The following TINAGL1 variants were observed in gnomAD, a reference collection of about 807,000 sequenced individuals.
TINAGL1 encodes tubulointerstitial nephritis antigen like 1, also known as tubulointerstitial nephritis antigen-like.
Under a neutral mutation model 62.0 loss-of-function variants are expected in TINAGL1, and 34 were observed. The observed-to-expected ratio is 0.55, with a 90% confidence interval of 0.42 to 0.73. The LOEUF is 0.73. Among genes scored for constraint, TINAGL1 ranks in the 30% least tolerant of loss-of-function variants. The probability of loss-of-function intolerance (pLI) is 0.00; values close to 1 mark genes in which losing one functional copy is unlikely to be tolerated. For synonymous variants in TINAGL1, 221 were observed against 249.7 expected (o/e 0.88, Z 1.08); for missense variants, 516 against 653.2 (o/e 0.79, Z 2.29).
intron 3 of TINAGL1, chr1:31,580,833 A>G: frequency 8.5e-7 from 1 of 1,170,164 alleles, no homozygotes; most frequent in Non-Finnish European, 1.1e-6. Context: ...TGCTGAGCTC[A>G]GGAGATGGAG....
chr1:31,585,138 G>T lies in TINAGL1; in HGVS notation c.858-13G>T, dbSNP rs748498434. The T allele has an allele frequency of 6.4e-7, 1 of 1,568,598 alleles. No homozygotes were observed. Among genetic ancestry groups the T allele is most frequent in the Non-Finnish European group, 8.7e-7 (1 of 1,154,292 alleles). Reference sequence around the variant, plus strand: ...AGTCTTTCTGCCTTTGCTCCCTCTTGCTGCCTTTGCAGGGTGGTGTCTGAC... The same window carrying T: ...AGTCTTTCTGCCTTTGCTCCCTCTTTCTGCCTTTGCAGGGTGGTGTCTGAC... On this transcript the variant is annotated splice_polypyrimidine_tract_variant and intron_variant, in intron 7 of 11. Coordinates refer to ENST00000271064, the MANE Select transcript of TINAGL1 (RefSeq NM_022164.3). The surrounding 1 kb of genome is among the most constrained non-coding windows in gnomAD (Gnocchi z 4.3).
intron 3 of TINAGL1, chr1:31,580,526 CAG>C: frequency 7.8e-7 from 1 of 1,289,152 alleles, no homozygotes; most frequent in African/African-American, 1.5e-5. Flanking sequence ...GCCTGGTGTG[CAG>C]AGAGGGAAAG....
rs927626777 is a variant in TINAGL1, at chr1:31,583,612, C to T, written c.582+37C>T. 19 of 1,549,424 alleles carry T rather than the reference C, an allele frequency of 1.2e-5. No individual in the cohort carries two copies. The Admixed American group carries it at 2.9e-4, about 24-fold the overall frequency. Reference sequence around the variant, plus strand: ...CTTCCCCACAATGCTGCCATCTCCCCATGGCTCAGAACCTCAGGGATGCTG... The same window carrying T: ...CTTCCCCACAATGCTGCCATCTCCCTATGGCTCAGAACCTCAGGGATGCTG... On this transcript the variant is annotated intron_variant, in intron 5 of 11. Coordinates refer to ENST00000271064, the MANE Select transcript of TINAGL1 (RefSeq NM_022164.3). This position sits in a 1 kb window ranked among gnomAD's most constrained non-coding sequence, Gnocchi z 4.4.
rs1023978768 is a variant in TINAGL1 at position 31,586,896 on chromosome 1, C to G, written c.1321C>G (p.Arg441Gly). The change falls in exon 12 of 12, where the codon CGC (arginine) becomes GGC (glycine). Residue 441 changes from arginine to glycine, a missense_variant. Transcript: ENST00000271064. ...CGAGAGGGGCCACTTCCGCATCGTG[C>G]GCGGCGTCAATGAGTGCGACATCGA... is the stretch of plus-strand genomic sequence containing the variant. Reference protein sequence around the residue: ...WGERGHFRIVRGVNECDIESF... With the variant: ...WGERGHFRIVGGVNECDIESF... 6.5e-7 allele frequency: 1 copy of G among 1,548,342 alleles called. No homozygotes were observed. The highest frequency in any genetic ancestry group is 2.0e-5 in the Admixed American group (1 of 49,214).
At position 31,585,186 on chromosome 1, in the gene TINAGL1, G is replaced by A. The variant is rs1013678511; in HGVS notation, c.893G>A (p.Arg298His). 9.4e-6 allele frequency: 15 copies of A among 1,598,020 alleles called. No individual in the cohort carries two copies. The highest frequency in any genetic ancestry group is 3.5e-5 in the Admixed American group (2 of 57,906). The part of the protein sequence containing the change: ...VSDHCYPFSG[R>H]ERDEAGPAPP... Reference sequence around the variant, plus strand: ...GACCACTGCTACCCCTTCTCGGGCCGTGAACGAGACGAGGCTGGCCCTGCG... The same window carrying A: ...GACCACTGCTACCCCTTCTCGGGCCATGAACGAGACGAGGCTGGCCCTGCG... Residue 298 changes from arginine to histidine, a missense_variant, in exon 8 of 12, where the codon CGT becomes CAT. Transcript: ENST00000271064. The surrounding 1 kb of genome is among the most constrained non-coding windows in gnomAD (Gnocchi z 4.3).
chr1:31,585,287 G>A lies in TINAGL1; in HGVS notation c.994G>A (p.Val332Ile), dbSNP rs1452350368. 6.2e-7 allele frequency: 1 copy of A among 1,612,590 alleles called. No homozygotes were observed. Among genetic ancestry groups the A allele is most frequent in the Non-Finnish European group, 8.5e-7 (1 of 1,179,184 alleles). Residue 332 changes from valine to isoleucine, a missense_variant, in exon 8 of 12, where the codon GTT becomes ATT. By Grantham distance (29) the Val-to-Ile change is conservative. Transcript: ENST00000271064. This position sits in a 1 kb window ranked among gnomAD's most constrained non-coding sequence, Gnocchi z 4.3. ...QATAHCPNSY[V>I]NNNDIYQVTP... ...CACTGCCCACTGCCCCAACAGCTAT[G>A]TTAATAACAATGACATCTACCAGGT...
At chr1:31,579,174 T>C in intron 2 of TINAGL1, 30 bp from the exon 3 acceptor site, 1 of 1,602,776 alleles carries the variant, frequency 6.2e-7, no homozygotes, top group Non-Finnish European at 8.5e-7. Context: ...CTGGTTCTGG[T>C]TCCACTTCTC....
rs200310989 is a variant in TINAGL1 at position 31,585,886 on chromosome 1, G to C, written c.1217+10G>C. 143 of 1,572,534 alleles carry C rather than the reference G, an allele frequency of 9.1e-5. No individual in the cohort carries two copies. Among genetic ancestry groups the C allele is most frequent in the Non-Finnish European group, 1.2e-4 (134 of 1,158,288 alleles). ...CAGTCAAGATCACAGGGTGAGGGGC[G>C]TGTGGGCAGAGGGGGTTTGGGACAG... On this transcript the variant is annotated intron_variant, in intron 10 of 11. Coordinates refer to ENST00000271064, the MANE Select transcript of TINAGL1 (RefSeq NM_022164.3). This position sits in a 1 kb window ranked among gnomAD's most constrained non-coding sequence, Gnocchi z 4.3.
rs1638969001 is a variant in TINAGL1 at position 31,576,771 on chromosome 1, A to G, written c.-16+176A>G. 6.6e-6 allele frequency among the ~76,000 whole-genome samples: 1 copy of G among 152,140 alleles called. No individual in the cohort carries two copies. The highest frequency in any genetic ancestry group is 2.4e-5 in the African/African-American group (1 of 41,424). On this transcript the variant is annotated intron_variant, in intron 1 of 11. Coordinates refer to ENST00000271064, the MANE Select transcript of TINAGL1 (RefSeq NM_022164.3). This position sits in a 1 kb window ranked among gnomAD's most constrained non-coding sequence, Gnocchi z 5.1. ...AGACCGGGGGAGACAGGAAAGCACA[A>G]AGTCAAGGACCCAGGTCAGGGATGG... is the stretch of plus-strand genomic sequence containing the variant.
rs376906966 is a variant in TINAGL1, at chr1:31,585,437, C to T, written c.1048-3C>T. On this transcript the variant is annotated splice_region_variant and splice_polypyrimidine_tract_variant and intron_variant, in intron 8 of 11. Coordinates refer to ENST00000271064, the MANE Select transcript of TINAGL1 (RefSeq NM_022164.3). The surrounding 1 kb of genome is among the most constrained non-coding windows in gnomAD (Gnocchi z 4.3). ...TGCTCTCTGTCCATCCCCTGCCCTC[C>T]AGGACAAGGAGATCATGAAGGAGCT... 1.1e-4 allele frequency: 185 copies of T among 1,614,024 alleles called. 3 individuals are homozygous for T. The African/African-American group carries it at 2.1e-3, about 19-fold the overall frequency.
At chr1:31,586,526 G>T (rs1639394870) in intron 10 of TINAGL1, 184 bp from the exon 11 acceptor site, 1 of 681,422 alleles carries the variant, frequency 1.5e-6, no homozygotes, top group African/African-American at 1.8e-5. Context: ...CTGGGCCTGG[G>T]TGCACCGACT....
rs796119034 is a variant in TINAGL1, at chr1:31,580,197, C to G, written c.374+930C>G. On this transcript the variant is annotated intron_variant, in intron 3 of 11. Transcript: ENST00000271064. ...TCTCTCTCTCTCTCTCTCTCTCTCTCTCTCTCTCTCTCTCTGTCTCTCTCT... is the reference window on the plus strand; with the variant it reads ...TCTCTCTCTCTCTCTCTCTCTCTCTGTCTCTCTCTCTCTCTGTCTCTCTCT... The G allele has an allele frequency of 7.8e-4, 340 of 437,150 alleles. 2 individuals are homozygous for G. The highest frequency in any genetic ancestry group is 2.9e-3 in the East Asian group (14 of 4,872). The allele number at this position is 437,150 out of a possible 1,614,324, so 27.1% of individuals were successfully genotyped here. A position where few individuals can be genotyped will look rare whatever the true frequency, so the allele number is the denominator to read the frequency against.
intron 3 of TINAGL1, chr1:31,580,645 C>G: frequency 1.6e-6 from 2 of 1,289,164 alleles, no homozygotes; most frequent in South Asian, 1.2e-5. Context: ...GGTCTTGGCT[C>G]CCCTTGAGGC....
rs201734532 is a variant in TINAGL1, at chr1:31,580,189, C to CTGTCTCTCTCTGTCTCTCTCTG, written c.374+923_374+924insGTCTCTCTCTGTCTCTCTCTGT. The CTGTCTCTCTCTGTCTCTCTCTG allele has an allele frequency of 1.4e-5, 6 of 430,424 alleles. No homozygotes were observed. In the African/African-American group the frequency reaches 1.6e-4, roughly 11 times the overall value. The allele number at this position is 430,424 out of a possible 1,614,324, so 26.7% of individuals were successfully genotyped here. A position where few individuals can be genotyped will look rare whatever the true frequency, so the allele number is the denominator to read the frequency against. On this transcript the variant is annotated intron_variant, in intron 3 of 11. Transcript: ENST00000271064. ...TCTCTCTCTCTCTCTCTCTCTCTCT[C>CTGTCTCTCTCTGTCTCTCTCTG]TCTCTCTCTCTCTCTCTCTCTCTGT...
chr1:31,578,552 GGTGTGTGT>G (rs375119727), intron 2 of TINAGL1, among the ~76,000 whole-genome samples: 2 of 132,512 alleles, frequency 1.5e-5, no homozygotes, highest in Non-Finnish European at 3.2e-5. Flanking sequence ...AGTGAGAGCT[GGTGTGTGT>G]GTGTGTGTGT....
Position 31,585,427 on chromosome 1 carries a change from C to T in TINAGL1, c.1048-13C>T, listed in dbSNP as rs1184064849. The T allele has an allele frequency of 1.9e-6, 3 of 1,613,888 alleles. No individual in the cohort carries two copies. The African/African-American group carries it at 4.0e-5, about 22-fold the overall frequency. On this transcript the variant is annotated splice_polypyrimidine_tract_variant and intron_variant, in intron 8 of 11. Coordinates refer to ENST00000271064, the MANE Select transcript of TINAGL1 (RefSeq NM_022164.3). The surrounding 1 kb of genome is among the most constrained non-coding windows in gnomAD (Gnocchi z 4.3). The stretch of plus-strand genomic sequence containing the variant: ...CCCTGACGTATGCTCTCTGTCCATC[C>T]CCTGCCCTCCAGGACAAGGAGATCA...
intron 3 of TINAGL1, among the ~76,000 whole-genome samples, chr1:31,582,917 C>T (rs564960595): frequency 1.4e-4 from 21 of 151,982 alleles, no homozygotes; most frequent in African/African-American, 4.4e-4. Context: ...GTTGAGTAGC[C>T]GTGAGATCCT....
rs149273432 is a variant in TINAGL1, at chr1:31,584,750, G to A, written c.655G>A (p.Glu219Lys). Residue 219 changes from glutamate to lysine, a missense_variant, in exon 6 of 12, where the codon GAG (glutamate) becomes AAG (lysine). Coordinates refer to ENST00000271064, the MANE Select transcript of TINAGL1 (RefSeq NM_022164.3). The surrounding 1 kb of genome is among the most constrained non-coding windows in gnomAD (Gnocchi z 4.0). The stretch of plus-strand genomic sequence containing the variant: ...TGAGAAGTGGCCCAACCTGATTCAT[G>A]AGCCTCTTGACCAAGGCAACTGTGC... ...ASEKWPNLIH[E>K]PLDQGNCAGS... 7.9e-5 allele frequency: 128 copies of A among 1,614,226 alleles called. No individual in the cohort carries two copies. The African/African-American group carries it at 1.6e-3, about 20-fold the overall frequency.
In TINAGL1 at chr1:31,585,613, C is replaced by G. The variant is rs370385551; in HGVS notation, c.1093+128C>G. On this transcript the variant is annotated intron_variant, in intron 9 of 11. Transcript: ENST00000271064. This position sits in a 1 kb window ranked among gnomAD's most constrained non-coding sequence, Gnocchi z 4.3. ...TAGGGCCAGGAGTAGGGGTCCCCCC[C>G]TCCCACAGGCAGCACCTGGAGGGAG... 6.5e-7 allele frequency: 1 copy of G among 1,533,178 alleles called. No individual in the cohort carries two copies. The highest frequency in any genetic ancestry group is 8.8e-7 in the Non-Finnish European group (1 of 1,135,634). 95.0% of individuals were successfully genotyped at this position (1,533,178 alleles called of 1,614,324 possible). A position where few individuals can be genotyped will look rare whatever the true frequency, so the allele number is the denominator to read the frequency against.
Sources: gnomAD v4.1 joint callset for allele counts (sites outside exome capture counted in the v4.1 genomes callset) on GRCh38, gnomAD v4.1.1 for gene constraint, Gnocchi (gnomAD v3.1) non-coding constraint, MANE v1.5 for transcripts, NCBI Gene and HGNC (gene_info 2026-07-23, HGNC 2026-07-21) for gene names.